Variants in GRID2 observed in about 807,000 individuals in gnomAD.
GRID2 encodes the protein glutamate ionotropic receptor delta type subunit 2.
Under a neutral mutation model 114.8 loss-of-function variants are expected in GRID2, and 33 were observed. The ratio of observed to expected loss-of-function variants is 0.29; its 90% confidence interval spans 0.22 to 0.38. GRID2 has a LOEUF of 0.38. GRID2 is among the 10% of genes least tolerant of loss of function. The pLI is 1.00. For synonymous variants in GRID2, 505 were observed against 449.9 expected, an observed-to-expected ratio of 1.12 and a Z score of -1.55; for missense variants, 1,184 against 1,257.7, an observed-to-expected ratio of 0.94 and a Z score of 0.89.
At chr4:93,347,029 C>T (rs558446858) in intron 8 of GRID2, among the ~76,000 whole-genome samples, 327 of 152,198 alleles carry the variant, frequency 2.1e-3, no homozygotes, top group African/African-American at 6.5e-3. Flanking sequence ...CAGCATCTTT[C>T]GGTCTTTCCT....
intron 2 of GRID2, among the ~76,000 whole-genome samples, chr4:93,066,392 G>A (rs187354549): frequency 2.6e-5 from 4 of 151,920 alleles, no homozygotes. Flanking sequence ...GATTTGCCTG[G>A]ACAAATTAAT....
chr4:92,415,807 T>C (rs1182057114), intron 1 of GRID2, among the ~76,000 whole-genome samples: 2 of 142,334 alleles, frequency 1.4e-5, no homozygotes, highest in Non-Finnish European at 3.0e-5. Context: ...CACTCATTGG[T>C]TGATGGTCAT....
intron 12 of GRID2, among the ~76,000 whole-genome samples, chr4:93,498,825 T>C (rs995757498): frequency 6.6e-6 from 1 of 151,844 alleles, no homozygotes; most frequent in African/African-American, 2.4e-5. Flanking sequence ...AAATTAAGAG[T>C]AGTGAGAGTG....
intron 14 of GRID2, among the ~76,000 whole-genome samples, chr4:93,708,735 C>T (rs536587221): frequency 6.6e-6 from 1 of 151,738 alleles, no homozygotes; most frequent in East Asian, 1.9e-4. Context: ...GTTTTGTGGT[C>T]TTCCCTTCTT....
At chr4:92,838,895 T>C (rs528280645) in intron 2 of GRID2, 2 of 152,230 alleles carry the variant, frequency 1.3e-5, no homozygotes, top group South Asian at 4.1e-4. Context: ...ATCACCTTTC[T>C]GAAATGCTAT....
chr4:92,422,131 C>G (rs1274603470), intron 1 of GRID2, among the ~76,000 whole-genome samples: 1 of 151,932 alleles, frequency 6.6e-6, no homozygotes, highest in Admixed American at 6.6e-5. Flanking sequence ...GCCTTAGAGA[C>G]CTCAGTGATG....
At chr4:92,673,000 A>G (rs1733152021) in intron 2 of GRID2, among the ~76,000 whole-genome samples, 2 of 152,134 alleles carry the variant, frequency 1.3e-5, no homozygotes, top group South Asian at 4.1e-4. Context: ...TTCTGGAACC[A>G]CCAGTTTACT....
At position 93,063,762 on chromosome 4, in the gene GRID2, C is replaced by T. The variant is rs1728014635; in HGVS notation, c.245-21233C>T. Among the ~76,000 whole-genome samples the T allele has an allele frequency of 2.6e-5, 4 of 151,690 alleles. No homozygotes were observed. In the Admixed American group the frequency reaches 2.6e-4, roughly 10 times the overall value. On this transcript the variant is annotated intron_variant, in intron 2 of 15. Coordinates refer to ENST00000282020, the MANE Select transcript of GRID2 (RefSeq NM_001510.4). Reference sequence around the variant, plus strand: ...TAATGTTTCTAAGTAGACCTGTAAGCATTAATATCTCCTTTTTGCAGACAA... The same window carrying T: ...TAATGTTTCTAAGTAGACCTGTAAGTATTAATATCTCCTTTTTGCAGACAA...
At chr4:92,657,944 A>T (rs1425080886) in intron 2 of GRID2, among the ~76,000 whole-genome samples, 1 of 129,678 alleles carries the variant, frequency 7.7e-6, no homozygotes, top group Non-Finnish European at 1.7e-5. Flanking sequence ...CAGTGGTAGG[A>T]GAAAGAAGAC....
At chr4:93,315,624 T>C (rs1309423760) in intron 8 of GRID2, among the ~76,000 whole-genome samples, 2 of 152,164 alleles carry the variant, frequency 1.3e-5, no homozygotes, top group Admixed American at 1.3e-4. Context: ...TTGTCTTCTT[T>C]GTTCACTGTT....
chr4:93,543,703 T>TGAGAGAGAGA (rs1169133756), intron 13 of GRID2, among the ~76,000 whole-genome samples: 2 of 80,750 alleles, frequency 2.5e-5, no homozygotes, highest in African/African-American at 1.2e-4. Context: ...TGAGAGTGAG[T>TGAGAGAGAGA]GAGAGATAGA....
At chr4:92,338,896 A>G in intron 1 of GRID2, among the ~76,000 whole-genome samples, 1 of 151,934 alleles carries the variant, frequency 6.6e-6, no homozygotes, top group South Asian at 2.1e-4. Context: ...GCTGTTGGAC[A>G]CTCTTTATTT....
intron 8 of GRID2, among the ~76,000 whole-genome samples, chr4:93,365,226 G>A (rs1762228086): frequency 1.3e-5 from 2 of 152,058 alleles, no homozygotes; most frequent in Non-Finnish European, 2.9e-5. Context: ...ATGAGTTTTT[G>A]TGTTTGTTTA....
intron 2 of GRID2, among the ~76,000 whole-genome samples, chr4:92,837,248 T>A (rs1316901972): frequency 6.6e-6 from 1 of 152,080 alleles, no homozygotes; most frequent in African/African-American, 2.4e-5. Context: ...TGAGTTTCAG[T>A]TCTTTGATAC....
At chr4:93,605,773 A>G (rs1299063393) in intron 13 of GRID2, among the ~76,000 whole-genome samples, 2 of 152,226 alleles carry the variant, frequency 1.3e-5, no homozygotes, top group Admixed American at 6.5e-5. Flanking sequence ...TTACAGTTAC[A>G]TGGCATAGAA....
intron 2 of GRID2, among the ~76,000 whole-genome samples, chr4:92,768,707 A>G (rs1356020637): frequency 6.6e-6 from 1 of 152,198 alleles, no homozygotes; most frequent in African/African-American, 2.4e-5. Context: ...TCTTACAAGA[A>G]TGGTGGCAGG....
Position 93,017,520 on chromosome 4 carries a change from C to CTA in GRID2, c.245-67465_245-67464dup, listed in dbSNP as rs562201809. 1.7e-3 allele frequency among the ~76,000 whole-genome samples: 264 copies of CTA among 151,760 alleles called. 1 individual carries two copies. Among genetic ancestry groups the CTA allele is most frequent in the Non-Finnish European group, 2.6e-3 (174 of 67,900 alleles). ...TCTTTCTCCGTACTTCACCTGAGTT[C>CTA]TATATATATATGGCCACGCGCAGTG... On this transcript the variant is annotated intron_variant, in intron 2 of 15. Coordinates refer to ENST00000282020, the MANE Select transcript of GRID2 (RefSeq NM_001510.4).
chr4:93,517,975 G>A (rs1389628077), intron 13 of GRID2, among the ~76,000 whole-genome samples: 10 of 28,728 alleles, frequency 3.5e-4, no homozygotes, highest in African/African-American at 1.3e-3. Context: ...ATACATACAT[G>A]TACATGTATG....
At chr4:92,448,337 T>C (rs1733579230) in intron 1 of GRID2, among the ~76,000 whole-genome samples, 2 of 152,030 alleles carry the variant, frequency 1.3e-5, no homozygotes, top group African/African-American at 4.8e-5. Context: ...ACCATGCCCA[T>C]CTAACTTTTA....
Sources: allele counts gnomAD v4.1 joint callset (sites outside exome capture counted in the v4.1 genomes callset), GRCh38; gene constraint gnomAD v4.1.1; transcripts MANE v1.5; gene names NCBI Gene and HGNC (gene_info 2026-07-23, HGNC 2026-07-21).